Variants in TAF3 observed in about 807,000 individuals in gnomAD.
The protein encoded by TAF3 is transcription initiation factor TFIID subunit 3.
Under a neutral mutation model 80.6 loss-of-function variants are expected in TAF3, and 7 were observed. The observed-to-expected ratio is 0.09, with a 90% confidence interval of 0.05 to 0.16. The LOEUF (loss-of-function observed/expected upper bound fraction) is 0.16. Among genes scored for constraint, TAF3 ranks in the 10% least tolerant of loss-of-function variants. TAF3 has a pLI of 1.00. For missense variants in TAF3, 921 were observed against 1,140.2 expected (o/e 0.81, Z 2.77); for synonymous variants, 444 against 446.1 (o/e 1.00, Z 0.06).
chr10:7,867,065 C>T (rs1837221290), intron 2 of TAF3, among the ~76,000 whole-genome samples: 1 of 152,052 alleles, frequency 6.6e-6, no homozygotes. Context: ...CTGAGACGAG[C>T]CTGGTGAACA....
At chr10:7,864,321 A>G (rs1242250086) in intron 2 of TAF3, among the ~76,000 whole-genome samples, 2 of 152,214 alleles carry the variant, frequency 1.3e-5, no homozygotes, top group African/African-American at 4.8e-5. Flanking sequence ...TAATTGACAG[A>G]TATCATCATT....
At chr10:7,866,945 C>G (rs774277838) in intron 2 of TAF3, among the ~76,000 whole-genome samples, 1 of 152,078 alleles carries the variant, frequency 6.6e-6, no homozygotes, top group Non-Finnish European at 1.5e-5. Flanking sequence ...AAATTCCAAA[C>G]TGAGGAAAGC....
intron 1 of TAF3, among the ~76,000 whole-genome samples, chr10:7,822,809 AT>A (rs1836702978): frequency 6.6e-6 from 1 of 152,218 alleles, no homozygotes; most frequent in Non-Finnish European, 1.5e-5. Flanking sequence ...TTTCATAGAC[AT>A]TTTTAAAGAT....
intron 2 of TAF3, among the ~76,000 whole-genome samples, chr10:7,836,140 C>T (rs533154134): frequency 1.3e-5 from 2 of 152,254 alleles, no homozygotes; most frequent in South Asian, 2.1e-4. Context: ...TACTATGTTT[C>T]TCACGTTACT....
At chr10:7,931,003 T>G (rs1837863407) in intron 2 of TAF3, among the ~76,000 whole-genome samples, 1 of 152,168 alleles carries the variant, frequency 6.6e-6, no homozygotes, top group Admixed American at 6.5e-5. Flanking sequence ...CAAGAAGAAC[T>G]TAATTTGACT....
At chr10:7,821,008 A>G (rs1836684906) in intron 1 of TAF3, among the ~76,000 whole-genome samples, 1 of 152,194 alleles carries the variant, frequency 6.6e-6, no homozygotes, top group African/African-American at 2.4e-5. Context: ...TAGATATTCA[A>G]AATGTCTCCT....
intron 2 of TAF3, among the ~76,000 whole-genome samples, chr10:7,911,231 A>G (rs1377896032): frequency 1.3e-5 from 2 of 152,244 alleles, no homozygotes. Flanking sequence ...AAACATGAGG[A>G]AGGGACTGAG....
chr10:8,012,285 CA>C (rs2131443380), intron 5 of TAF3, among the ~76,000 whole-genome samples: 1 of 152,260 alleles, frequency 6.6e-6, no homozygotes, highest in South Asian at 2.1e-4. Flanking sequence ...GGCTAGAGAG[CA>C]AAAAGGCAAA....
At chr10:7,850,697 A>G (rs1018027316) in intron 2 of TAF3, among the ~76,000 whole-genome samples, 13 of 139,582 alleles carry the variant, frequency 9.3e-5, no homozygotes, top group Non-Finnish European at 9.6e-5. Context: ...ATATATATGT[A>G]TATATATATA....
chr10:7,848,812 A>G (rs1307957812), intron 2 of TAF3, among the ~76,000 whole-genome samples: 6 of 152,178 alleles, frequency 3.9e-5, no homozygotes, highest in Admixed American at 3.3e-4. Flanking sequence ...ATGCCTTTAT[A>G]TATCTATATG....
intron 2 of TAF3, among the ~76,000 whole-genome samples, chr10:7,841,114 G>C (rs1416997550): frequency 6.6e-6 from 1 of 152,194 alleles, no homozygotes; most frequent in Non-Finnish European, 1.5e-5. Context: ...GCCTACCAAA[G>C]TGCTGGGATT....
chr10:7,953,437 T>C (rs1838103669), intron 2 of TAF3, among the ~76,000 whole-genome samples: 1 of 152,112 alleles, frequency 6.6e-6, no homozygotes, highest in African/African-American at 2.4e-5. Flanking sequence ...ATAATAAAGA[T>C]CTTCATCTCT....
At chr10:8,014,427 G>A (rs144639336) in intron 6 of TAF3, among the ~76,000 whole-genome samples, 4 of 152,320 alleles carry the variant, frequency 2.6e-5, no homozygotes, top group East Asian at 3.9e-4. Context: ...ATGAATGAAC[G>A]GATGAGTCTC....
In TAF3 at chr10:8,013,863, C is replaced by G. The variant is rs553818230; in HGVS notation, c.2675+26C>G. The G allele has an allele frequency of 1.9e-6, 3 of 1,589,692 alleles. No homozygotes were observed. The East Asian group carries it at 6.7e-5, about 36-fold the overall frequency. ...GTGAGTGCCCAGGGCGCCCTGCCGG[C>G]CACACTCATTAGGCAGCATCAGCCG... On this transcript the variant is annotated intron_variant, in intron 6 of 6. Transcript: ENST00000344293.
At chr10:7,904,305 A>G (rs966748402) in intron 2 of TAF3, among the ~76,000 whole-genome samples, 2 of 152,160 alleles carry the variant, frequency 1.3e-5, no homozygotes, top group Non-Finnish European at 2.9e-5. Context: ...GCCCTCCCTA[A>G]CCAAGCAAGA....
chr10:7,964,765 A>G lies in TAF3; in HGVS notation c.1255A>G (p.Ile419Val), dbSNP rs774197689. The G allele has an allele frequency of 1.2e-6, 2 of 1,614,146 alleles. No homozygotes were observed. The highest frequency in any genetic ancestry group is 1.7e-6 in the Non-Finnish European group (2 of 1,180,038). The part of the protein sequence containing the change: ...FSSGSESEGD[I>V]FTSPKRISGP... ...TTCTGGATCGGAATCTGAAGGAGACATTTTTACTAGCCCTAAGAGAATTTC... is the reference window on the plus strand; with the variant it reads ...TTCTGGATCGGAATCTGAAGGAGACGTTTTTACTAGCCCTAAGAGAATTTC... The change falls in exon 3 of 7, where the codon ATT (isoleucine) becomes GTT (valine). Residue 419 changes from isoleucine to valine, a missense_variant. Physicochemically the swap from Ile to Val is conservative, Grantham distance 29. This residue lies in a region of TAF3 where 743 missense variants were observed against 821.0 expected (regional missense o/e 0.90). Transcript: ENST00000344293. The surrounding 1 kb of genome is among the most constrained non-coding windows in gnomAD (Gnocchi z 4.1).
intron 2 of TAF3, among the ~76,000 whole-genome samples, chr10:7,930,770 G>T (rs1436516752): frequency 6.6e-6 from 1 of 151,872 alleles, no homozygotes; most frequent in Admixed American, 6.6e-5. Context: ...CTCGATACTG[G>T]TATCCATTTT....
intron 2 of TAF3, among the ~76,000 whole-genome samples, chr10:7,927,840 A>T (rs1421535585): frequency 5.3e-5 from 8 of 152,212 alleles, no homozygotes; most frequent in Non-Finnish European, 7.4e-5. Flanking sequence ...ATGAAGAGGC[A>T]CTGTTTCCTT....
At chr10:8,011,203 A>G (rs1037250995) in intron 5 of TAF3, among the ~76,000 whole-genome samples, 1 of 152,052 alleles carries the variant, frequency 6.6e-6, no homozygotes, top group African/African-American at 2.4e-5. Context: ...GCTGGGTAGG[A>G]CTCATGGTAT....
Sources: gnomAD v4.1 joint callset for allele counts (sites outside exome capture counted in the v4.1 genomes callset) on GRCh38, gnomAD v4.1.1 for gene constraint, gnomAD v4.1.1 regional missense constraint, Gnocchi (gnomAD v3.1) non-coding constraint, MANE v1.5 for transcripts, NCBI Gene and HGNC (gene_info 2026-07-23, HGNC 2026-07-21) for gene names.